SLC25A26: variants seen among roughly 807,000 people sequenced by gnomAD.
SLC25A26 encodes mitochondrial S-adenosylmethionine carrier protein.
Under a neutral mutation model 37.8 loss-of-function variants are expected in SLC25A26, and 36 were observed. The observed-to-expected ratio is 0.95, with a 90% CI of 0.73 to 1.26. The LOEUF (loss-of-function observed/expected upper bound fraction) is 1.26, where lower values mean the gene tolerates loss of function less well. Ranked by LOEUF, SLC25A26 falls within the 50% of genes most tolerant of loss-of-function variation. SLC25A26 has a pLI of 0.00. For synonymous variants in SLC25A26, 129 were observed against 122.5 expected, an observed-to-expected ratio of 1.05 and a Z score of -0.35; for missense variants, 390 against 331.1, an observed-to-expected ratio of 1.18 and a Z score of -1.38.
upstream of SLC25A26, among the ~76,000 whole-genome samples, chr3:66,217,438 T>C (rs1363564215): frequency 6.6e-6 from 1 of 152,200 alleles, no homozygotes; most frequent in Non-Finnish European, 1.5e-5. Context: ...AAACCGAATA[T>C]TTCTATATGA....
chr3:66,277,424 C>T (rs979422358), intron 5 of SLC25A26, among the ~76,000 whole-genome samples: 3 of 151,852 alleles, frequency 2.0e-5, no homozygotes, highest in African/African-American at 4.8e-5. Flanking sequence ...CCATGGTTCT[C>T]GGGTGTTAGG....
intron 1 of SLC25A26, among the ~76,000 whole-genome samples, chr3:66,190,660 C>T (rs1254233175): frequency 6.6e-6 from 1 of 152,066 alleles, no homozygotes; most frequent in African/African-American, 2.4e-5. Flanking sequence ...AACTCCTGGC[C>T]TCAGGTGATT....
Position 66,340,459 on chromosome 3 carries a change from G to A in SLC25A26, c.454-5905G>A, listed in dbSNP as rs202216119. Among the ~76,000 whole-genome samples the A allele has an allele frequency of 2.6e-5, 4 of 151,882 alleles. No homozygotes were observed. The East Asian group carries it at 5.8e-4, about 22-fold the overall frequency. On this transcript the variant is annotated intron_variant, in intron 5 of 9. Transcript: ENST00000354883. ...AAGTTTTTTTTCTTTTGTGGTTATT[G>A]CGTCTTGTGGTCCCAGAAATTTCCT... is the stretch of plus-strand genomic sequence containing the variant.
intron 1 of SLC25A26, 30 bp downstream of exon 1, chr3:66,221,157 C>G (rs1254083903): frequency 1.5e-5 from 23 of 1,501,748 alleles, no homozygotes; most frequent in Non-Finnish European, 1.9e-5. Flanking sequence ...GTGGGTTGCT[C>G]AGAGTGCCGG....
chr3:66,256,779 C>G (rs978995615), intron 3 of SLC25A26, among the ~76,000 whole-genome samples: 4 of 152,138 alleles, frequency 2.6e-5, no homozygotes, highest in African/African-American at 9.7e-5. Context: ...CCCGTAGTCC[C>G]AGCTCCGCAA....
intron 1 of SLC25A26, among the ~76,000 whole-genome samples, chr3:66,201,557 A>G (rs1220756836): frequency 5.3e-5 from 8 of 152,064 alleles, no homozygotes; most frequent in African/African-American, 1.4e-4. Context: ...GCTGGTCTAA[A>G]ACTCCTGGGC....
intron 5 of SLC25A26, among the ~76,000 whole-genome samples, chr3:66,290,812 G>A (rs149617844): frequency 7.9e-5 from 12 of 152,286 alleles, no homozygotes; most frequent in African/African-American, 2.9e-4. Flanking sequence ...TTGGTATCAG[G>A]ATGATGTTGG....
At chr3:66,361,844 G>A (rs1371885791) in intron 6 of SLC25A26, among the ~76,000 whole-genome samples, 1 of 152,106 alleles carries the variant, frequency 6.6e-6, no homozygotes, top group Admixed American at 6.5e-5. Context: ...GCAGGCGCCT[G>A]TAGTCGCAGC....
chr3:66,211,295 C>T (rs907602299), intron 1 of SLC25A26, among the ~76,000 whole-genome samples: 2 of 152,150 alleles, frequency 1.3e-5, no homozygotes, highest in African/African-American at 4.8e-5. Flanking sequence ...GGAGTGGAGG[C>T]CTGCTGTTTG....
intron 5 of SLC25A26, among the ~76,000 whole-genome samples, chr3:66,266,739 G>A (rs144192704): frequency 3.0e-4 from 46 of 152,126 alleles, no homozygotes; most frequent in African/African-American, 1.0e-3. Context: ...TTTTTCTCAT[G>A]ATCTTTGCCA....
At chr3:66,274,051 G>C (rs548807354) in intron 5 of SLC25A26, among the ~76,000 whole-genome samples, 1 of 152,078 alleles carries the variant, frequency 6.6e-6, no homozygotes, top group Non-Finnish European at 1.5e-5. Context: ...CCAAAACAGA[G>C]ATATAGATCA....
chr3:66,209,323 C>T (rs1458558122), intron 1 of SLC25A26, among the ~76,000 whole-genome samples: 1 of 133,930 alleles, frequency 7.5e-6, no homozygotes, highest in African/African-American at 2.7e-5. Context: ...ACATATATAT[C>T]TATATGTATG....
At chr3:66,267,762 C>A (rs1261030081) in intron 5 of SLC25A26, among the ~76,000 whole-genome samples, 1 of 152,158 alleles carries the variant, frequency 6.6e-6, no homozygotes, top group African/African-American at 2.4e-5. Context: ...TTCATTGAAG[C>A]CCCCAGTCTT....
intron 1 of SLC25A26, among the ~76,000 whole-genome samples, chr3:66,190,479 A>C (rs2106787960): frequency 6.6e-6 from 1 of 152,298 alleles, no homozygotes; most frequent in East Asian, 1.9e-4. Context: ...CCCAGGCTAG[A>C]GTGCAGTGGC....
At chr3:66,221,424 T>C (rs2071489626) in intron 1 of SLC25A26, among the ~76,000 whole-genome samples, 1 of 152,200 alleles carries the variant, frequency 6.6e-6, no homozygotes, top group East Asian at 1.9e-4. Flanking sequence ...AACTACTCTT[T>C]CATTAAATAG....
At chr3:66,209,136 T>TC (rs2071235093) in intron 1 of SLC25A26, among the ~76,000 whole-genome samples, 1 of 85,214 alleles carries the variant, frequency 1.2e-5, no homozygotes, top group African/African-American at 3.8e-5. Context: ...ATATATACCT[T>TC]TTATATATAT....
At chr3:66,133,688 C>G (rs951622367) in exon 1 of SLC25A26, 1 of 152,232 alleles carries the variant, frequency 6.6e-6, no homozygotes. Flanking sequence ...AAAGCTGTAC[C>G]TCTTTCCATA....
chr3:66,341,113 A>G (rs2076199950), intron 5 of SLC25A26, among the ~76,000 whole-genome samples: 1 of 152,034 alleles, frequency 6.6e-6, no homozygotes, highest in Non-Finnish European at 1.5e-5. Context: ...CTTCAACACA[A>G]TGTTGAATAG....
intron 5 of SLC25A26, among the ~76,000 whole-genome samples, chr3:66,341,705 A>G (rs1215575376): frequency 6.6e-6 from 1 of 152,118 alleles, no homozygotes; most frequent in African/African-American, 2.4e-5. Flanking sequence ...TAGGAATGTT[A>G]ATATGTTTTT....
Sources: gnomAD v4.1 joint callset for allele counts (sites outside exome capture counted in the v4.1 genomes callset) on GRCh38, gnomAD v4.1.1 for gene constraint, MANE v1.5 for transcripts, NCBI Gene and HGNC (gene_info 2026-07-23, HGNC 2026-07-21) for gene names.